The following CCR7 variants were observed in gnomAD, a reference collection of about 807,000 sequenced individuals.
CCR7 encodes C-C chemokine receptor type 7.
In CCR7, 11 loss-of-function variants were observed where a neutral mutation model predicts 26.0. The ratio of observed to expected loss-of-function variants is 0.42; its 90% confidence interval spans 0.27 to 0.70. The LOEUF (loss-of-function observed/expected upper bound fraction) is 0.70, where lower values mean the gene tolerates loss of function less well. CCR7 is among the 30% of genes least tolerant of loss of function. The pLI is 0.23. For synonymous variants in CCR7, 189 were observed against 202.1 expected (o/e 0.94, Z 0.55); for missense variants, 360 against 504.0 (o/e 0.71, Z 2.74).
At chr17:40,563,617 A>T (rs955142582) in intron 1 of CCR7, among the ~76,000 whole-genome samples, 2 of 151,964 alleles carry the variant, frequency 1.3e-5, no homozygotes, top group African/African-American at 4.8e-5. Context: ...CACCCACCCC[A>T]TCAACGGCCC....
At chr17:40,564,119 G>A (rs2036682133) in intron 1 of CCR7, among the ~76,000 whole-genome samples, 1 of 152,106 alleles carries the variant, frequency 6.6e-6, no homozygotes, top group Non-Finnish European at 1.5e-5. Context: ...GGGGGTGCAG[G>A]GGAGTGGGAT....
rs1349231656 is a variant in CCR7, at chr17:40,554,124, G to A, written c.*618C>T. 1 of 152,800 alleles carries A rather than the reference G, an allele frequency of 6.5e-6. No homozygotes were observed. The highest frequency in any genetic ancestry group is 1.5e-5 in the Non-Finnish European group (1 of 68,538). The allele number at this position is 152,800 out of a possible 1,614,324, so 9.5% of individuals were successfully genotyped here. On this transcript the variant is annotated 3_prime_UTR_variant, in exon 3 of 3. Coordinates refer to ENST00000246657, the MANE Select transcript of CCR7 (RefSeq NM_001838.4). Reference sequence around the variant, plus strand: ...CCACACTCTCCCCTGTTGAGAGCCTGGGAGGGCGACGCGGCAAGTGAGGGG... The same window carrying A: ...CCACACTCTCCCCTGTTGAGAGCCTAGGAGGGCGACGCGGCAAGTGAGGGG...
chr17:40,565,340 G>C, intron 1 of CCR7, 60 bp downstream of exon 1: 2 of 1,456,492 alleles, frequency 1.4e-6, no homozygotes, highest in South Asian at 2.3e-5. Flanking sequence ...ATTCCACAGG[G>C]TCAGTCTGGG....
intron 1 of CCR7, among the ~76,000 whole-genome samples, chr17:40,559,420 T>C (rs2143913884): frequency 6.6e-6 from 1 of 152,356 alleles, no homozygotes; most frequent in African/African-American, 2.4e-5. Flanking sequence ...AGGAGCATTT[T>C]CCTGGCATCC....
chr17:40,557,887 C>T (rs555893675), intron 2 of CCR7, among the ~76,000 whole-genome samples: 46 of 152,358 alleles, frequency 3.0e-4, no homozygotes, highest in Middle Eastern at 3.4e-3. Context: ...CTCCCCTTCC[C>T]ACCCTTCCAG....
rs764281896 is a variant in CCR7 at position 40,555,855 on chromosome 17, A to G, written c.61-37T>C. The G allele has an allele frequency of 6.8e-7, 1 of 1,466,888 alleles. No homozygotes were observed. The highest frequency in any genetic ancestry group is 1.8e-4 in the Middle Eastern group (1 of 5,686). 90.9% of individuals were successfully genotyped at this position (1,466,888 alleles called of 1,614,324 possible). A position where few individuals can be genotyped will look rare whatever the true frequency, so the allele number is the denominator to read the frequency against. On this transcript the variant is annotated intron_variant, in intron 2 of 2. Coordinates refer to ENST00000246657, the MANE Select transcript of CCR7 (RefSeq NM_001838.4). The surrounding 1 kb of genome is among the most constrained non-coding windows in gnomAD (Gnocchi z 5.6). ...GAAATGAGGGAAAACAGGCCAGTTT[A>G]GCTGGGTGGCTCCAACTCTGGCTGG... is the stretch of plus-strand genomic sequence containing the variant.
intron 1 of CCR7, among the ~76,000 whole-genome samples, chr17:40,564,877 C>G (rs967857719): frequency 7.9e-5 from 12 of 152,324 alleles, no homozygotes; most frequent in African/African-American, 2.6e-4. Context: ...ATGCACCGCA[C>G]CATTCTCACA....
At position 40,564,263 on chromosome 17, in the gene CCR7, T is replaced by A. The variant is rs145131330; in HGVS notation, c.10+1137A>T. On this transcript the variant is annotated intron_variant, in intron 1 of 2. Transcript: ENST00000246657. ...CTCACATCCTCAAAGCACCTGAACC[T>A]GCCTTTCAGGAGTTCACAGTCAGTG... Among the ~76,000 whole-genome samples, 6 of 152,342 alleles carry A rather than the reference T, an allele frequency of 3.9e-5. No individual in the cohort carries two copies. The East Asian group carries it at 1.2e-3, about 29-fold the overall frequency.
At position 40,555,933 on chromosome 17, in the gene CCR7, T is replaced by TGCCCAA; in HGVS notation, c.61-116_61-115insTTGGGC. On this transcript the variant is annotated intron_variant, in intron 2 of 2. Coordinates refer to ENST00000246657, the MANE Select transcript of CCR7 (RefSeq NM_001838.4). The surrounding 1 kb of genome is among the most constrained non-coding windows in gnomAD (Gnocchi z 5.6). ...CTTTTTTTTTTTTCTTGAGACATGG[T>TGCCCAA]CTCACTCTGTTGCCCAGGCTGGAGT... The TGCCCAA allele has an allele frequency of 4.3e-6, 3 of 697,310 alleles. No individual in the cohort carries two copies. The highest frequency in any genetic ancestry group is 7.1e-6 in the Non-Finnish European group (3 of 420,248). 43.2% of individuals were successfully genotyped at this position (697,310 alleles called of 1,614,324 possible).
chr17:40,564,426 C>G (rs1358614846), intron 1 of CCR7, among the ~76,000 whole-genome samples: 1 of 152,182 alleles, frequency 6.6e-6, no homozygotes, highest in Non-Finnish European at 1.5e-5. Flanking sequence ...CACCAGGGAA[C>G]CTTCACTTTT....
rs2036556436 is a variant in CCR7, at chr17:40,554,597, G to A, written c.*145C>T. 2 of 692,042 alleles carry A rather than the reference G, an allele frequency of 2.9e-6. No homozygotes were observed. The highest frequency in any genetic ancestry group is 1.8e-5 in the South Asian group (1 of 56,208). 42.9% of individuals were successfully genotyped at this position (692,042 alleles called of 1,614,324 possible). A position where few individuals can be genotyped will look rare whatever the true frequency, so the allele number is the denominator to read the frequency against. On this transcript the variant is annotated 3_prime_UTR_variant, in exon 3 of 3. Transcript: ENST00000246657. ...TGGGATTGGGGTGAAGCTATCTTCT[G>A]GAGCAGGGGCTTGCACTCTGAGGGG...
Position 40,555,126 on chromosome 17 carries a change from G to A in CCR7, c.753C>T (p.Leu251=), listed in dbSNP as rs761383402. 6.2e-7 allele frequency: 1 copy of A among 1,614,084 alleles called. No homozygotes were observed. Among genetic ancestry groups the A allele is most frequent in the Non-Finnish European group, 8.5e-7 (1 of 1,180,044 alleles). Residue 251 remains leucine, a synonymous_variant, in exon 3 of 3, where the codon CTC becomes CTT. Transcript: ENST00000246657. This position sits in a 1 kb window ranked among gnomAD's most constrained non-coding sequence, Gnocchi z 5.6. ...TGTTGCGCTCAAAGTTGCGTGCCTGGAGCAGGGTGCGGATGATGACAAGGT... is the reference window on the plus strand; with the variant it reads ...TGTTGCGCTCAAAGTTGCGTGCCTGAAGCAGGGTGCGGATGATGACAAGGT... ...FCYLVIIRTL[L]QARNFERNKA...
At chr17:40,557,428 C>A (rs1349456624) in intron 2 of CCR7, among the ~76,000 whole-genome samples, 1 of 152,232 alleles carries the variant, frequency 6.6e-6, no homozygotes, top group Non-Finnish European at 1.5e-5. Flanking sequence ...CTCTTTTTCA[C>A]ACCCAGGTTC....
chr17:40,562,445 C>T (rs1167234888), intron 1 of CCR7, among the ~76,000 whole-genome samples: 2 of 152,170 alleles, frequency 1.3e-5, no homozygotes, highest in Non-Finnish European at 2.9e-5. Flanking sequence ...GCCCCACTGG[C>T]CACCAGTGCT....
intron 2 of CCR7, among the ~76,000 whole-genome samples, chr17:40,556,414 A>T (rs1323096672): frequency 1.3e-5 from 2 of 152,230 alleles, no homozygotes; most frequent in African/African-American, 4.8e-5. Flanking sequence ...GCTAGTAAGT[A>T]GCAAGTGGCT....
At chr17:40,564,913 C>T (rs921504407) in intron 1 of CCR7, among the ~76,000 whole-genome samples, 2 of 152,216 alleles carry the variant, frequency 1.3e-5, no homozygotes, top group African/African-American at 2.4e-5. Context: ...ATTTGCATCT[C>T]CTCATGACCC....
chr17:40,558,519 A>C (rs1381349110), intron 2 of CCR7, among the ~76,000 whole-genome samples: 2 of 152,206 alleles, frequency 1.3e-5, no homozygotes. Context: ...CGCCAGATCC[A>C]GGGTGATTTT....
rs779952380 is a variant in CCR7, at chr17:40,554,598, G to A, written c.*144C>T. ...GGGATTGGGGTGAAGCTATCTTCTG[G>A]AGCAGGGGCTTGCACTCTGAGGGGA... On this transcript the variant is annotated 3_prime_UTR_variant, in exon 3 of 3. Transcript: ENST00000246657. The A allele has an allele frequency of 1.4e-5, 10 of 694,240 alleles. No individual in the cohort carries two copies. The highest frequency in any genetic ancestry group is 2.5e-5 in the Non-Finnish European group (10 of 398,420). The allele number at this position is 694,240 out of a possible 1,614,324, so 43.0% of individuals were successfully genotyped here.
chr17:40,564,537 A>T (rs1197037949), intron 1 of CCR7, among the ~76,000 whole-genome samples: 1 of 151,922 alleles, frequency 6.6e-6, no homozygotes, highest in Non-Finnish European at 1.5e-5. Flanking sequence ...GCCTGGTCTG[A>T]CTCCACAGCT....
Sources: allele counts gnomAD v4.1 joint callset (sites outside exome capture counted in the v4.1 genomes callset), GRCh38; gene constraint gnomAD v4.1.1; non-coding constraint Gnocchi (gnomAD v3.1); transcripts MANE v1.5; gene names NCBI Gene and HGNC (gene_info 2026-07-23, HGNC 2026-07-21).